Variants in SLC66A1 observed in about 807,000 individuals in gnomAD.
The protein encoded by SLC66A1 is solute carrier family 66 member 1.
A neutral mutation model predicts 33.0 loss-of-function variants in SLC66A1; 23 were observed. The observed-to-expected ratio is 0.70, with a 90% CI of 0.50 to 0.99. The LOEUF is 0.99. Among genes scored for constraint, SLC66A1 ranks in the 50% least tolerant of loss-of-function variants. The pLI is 0.00. For missense variants in SLC66A1, 335 were observed against 383.6 expected, an observed-to-expected ratio of 0.87 and a Z score of 1.06; for synonymous variants, 164 against 175.5, an observed-to-expected ratio of 0.93 and a Z score of 0.52.
downstream of SLC66A1, among the ~76,000 whole-genome samples, chr1:19,331,201 G>A (rs569121867): frequency 6.6e-5 from 10 of 152,232 alleles, no homozygotes; most frequent in Admixed American, 3.3e-4. Context: ...TAGTAGAGAC[G>A]GGGTTTCACC....
intron 2 of SLC66A1, among the ~76,000 whole-genome samples, chr1:19,323,577 T>A (rs1462258545): frequency 6.6e-6 from 1 of 152,072 alleles, no homozygotes; most frequent in African/African-American, 2.4e-5. Context: ...TGGCTGATTT[T>A]TGTATTTTTG....
chr1:19,324,324 A>G (rs1420302065), intron 2 of SLC66A1, among the ~76,000 whole-genome samples: 2 of 152,240 alleles, frequency 1.3e-5, no homozygotes, highest in Non-Finnish European at 2.9e-5. Flanking sequence ...AGGACCCTAC[A>G]TAAGCCCCAG....
In SLC66A1 at chr1:19,326,375, G is replaced by GC. The variant is rs2093866876; in HGVS notation, c.513_514insC (p.Ser172LeufsTer115). 5 of 1,607,080 alleles carry GC rather than the reference G, an allele frequency of 3.1e-6. No homozygotes were observed. The highest frequency in any genetic ancestry group is 4.2e-6 in the Non-Finnish European group (5 of 1,178,960). ...GGGGGCGGGCGCTCCTGTCCGTGGA[G>GC]TCGGGCAGCAAGGTGAGGCGTGGGC... On this transcript the variant is annotated frameshift_variant, in exon 5 of 8. Transcript: ENST00000375153. LOFTEE classifies it high-confidence loss of function.
At chr1:19,324,786 G>A in intron 3 of SLC66A1, 24 bp downstream of exon 3, 1 of 1,612,950 alleles carries the variant, frequency 6.2e-7, no homozygotes, top group Non-Finnish European at 8.5e-7. Flanking sequence ...CGGGCAAGGT[G>A]GCGCTACCCC....
downstream of SLC66A1, among the ~76,000 whole-genome samples, chr1:19,333,686 T>C (rs1354028810): frequency 1.3e-5 from 2 of 152,114 alleles, no homozygotes; most frequent in Non-Finnish European, 2.9e-5. The surrounding 1 kb of genome is among the most constrained non-coding windows in gnomAD (Gnocchi z 4.2). Context: ...GTGAGGCGAC[T>C]CATGCCTGGA....
At chr1:19,330,751 C>G (rs781675537), downstream of SLC66A1, among the ~76,000 whole-genome samples, 4 of 152,160 alleles carry the variant, frequency 2.6e-5, no homozygotes, top group Non-Finnish European at 5.9e-5. Context: ...GGGGCACACC[C>G]AGCAGCAGCC....
In SLC66A1 at chr1:19,317,656, CG is replaced by C; in HGVS notation, c.-17del. 1 of 1,612,544 alleles carries C rather than the reference CG, an allele frequency of 6.2e-7. No homozygotes were observed. ...TCCCTCCGGTGCAGCCCTGCCTGGC[CG>C]GGGGCCCCTCCTCCACAGCCATGGT... On this transcript the variant is annotated 5_prime_UTR_variant, in exon 2 of 8. Coordinates refer to ENST00000375153, the MANE Select transcript of SLC66A1 (RefSeq NM_001040125.2).
At chr1:19,325,641 G>GTGA in intron 4 of SLC66A1, 59 bp downstream of exon 4, 2 of 1,058,898 alleles carry the variant, frequency 1.9e-6, no homozygotes, top group Non-Finnish European at 2.8e-6. Flanking sequence ...GCAGTTGTGG[G>GTGA]GGGGGGCGCC....
At chr1:19,322,201 G>T (rs2093841423) in intron 2 of SLC66A1, among the ~76,000 whole-genome samples, 1 of 151,920 alleles carries the variant, frequency 6.6e-6, no homozygotes. Context: ...GACTGGACGG[G>T]TGTAGGTGAC....
chr1:19,324,489 G>A lies in SLC66A1; in HGVS notation c.165-144G>A, dbSNP rs560954725. On this transcript the variant is annotated intron_variant, in intron 2 of 7. Coordinates refer to ENST00000375153, the MANE Select transcript of SLC66A1 (RefSeq NM_001040125.2). ...GAGAAGGCTTCTGAGGATCCCGCCC[G>A]TGGGGAGGATGGGCCGCCAGGCCAC... is the stretch of plus-strand genomic sequence containing the variant. 1.6e-4 allele frequency: 164 copies of A among 998,314 alleles called. No individual in the cohort carries two copies. In the African/African-American group the frequency reaches 2.2e-3, roughly 13 times the overall value. The allele number at this position is 998,314 out of a possible 1,614,324, so 61.8% of individuals were successfully genotyped here. A position where few individuals can be genotyped will look rare whatever the true frequency, so the allele number is the denominator to read the frequency against.
At chr1:19,314,731 G>A (rs910236966) in intron 1 of SLC66A1, among the ~76,000 whole-genome samples, 5 of 152,196 alleles carry the variant, frequency 3.3e-5, no homozygotes, top group African/African-American at 1.2e-4. Flanking sequence ...CAACCTTGCT[G>A]GGGAGTGGTG....
At chr1:19,321,398 T>G (rs1346212407) in intron 2 of SLC66A1, among the ~76,000 whole-genome samples, 2 of 149,226 alleles carry the variant, frequency 1.3e-5, no homozygotes, top group East Asian at 3.9e-4. Context: ...CAGGCTGGTC[T>G]CAAACTCCTA....
At position 19,328,751 on chromosome 1, in the gene SLC66A1, C is replaced by A; in HGVS notation, c.*108C>A. 1 of 1,207,592 alleles carries A rather than the reference C, an allele frequency of 8.3e-7. No individual in the cohort carries two copies. Among genetic ancestry groups the A allele is most frequent in the South Asian group, 1.3e-5 (1 of 74,554 alleles). 74.8% of individuals were successfully genotyped at this position (1,207,592 alleles called of 1,614,324 possible). A position where few individuals can be genotyped will look rare whatever the true frequency, so the allele number is the denominator to read the frequency against. On this transcript the variant is annotated 3_prime_UTR_variant, in exon 8 of 8. Transcript: ENST00000375153. The surrounding 1 kb of genome is among the most constrained non-coding windows in gnomAD (Gnocchi z 4.7). ...CGGCCCTGCATCAGCCTGCGGGTGGCCTCTGGATCCTCCGTGGACCGAACC... is the reference window on the plus strand; with the variant it reads ...CGGCCCTGCATCAGCCTGCGGGTGGACTCTGGATCCTCCGTGGACCGAACC...
chr1:19,322,977 G>T (rs1250923305), intron 2 of SLC66A1, among the ~76,000 whole-genome samples: 1 of 151,916 alleles, frequency 6.6e-6, no homozygotes, highest in Non-Finnish European at 1.5e-5. Flanking sequence ...AACCTCTTGG[G>T]CTCAAGTGAT....
rs772353892 is a variant in SLC66A1 at position 19,326,414 on chromosome 1, G to T, written c.525+27G>T. 9 of 1,605,738 alleles carry T rather than the reference G, an allele frequency of 5.6e-6. No homozygotes were observed. The Admixed American group carries it at 1.5e-4, about 27-fold the overall frequency. On this transcript the variant is annotated intron_variant, in intron 5 of 7. Coordinates refer to ENST00000375153, the MANE Select transcript of SLC66A1 (RefSeq NM_001040125.2). Reference sequence around the variant, plus strand: ...TGAGGCGTGGGCGTGGCGGTCGAAGGGATGGAGGCTGGCTCATCCCCAGGG... The same window carrying T: ...TGAGGCGTGGGCGTGGCGGTCGAAGTGATGGAGGCTGGCTCATCCCCAGGG...
At chr1:19,323,564 G>A (rs1286194965) in intron 2 of SLC66A1, among the ~76,000 whole-genome samples, 1 of 152,046 alleles carries the variant, frequency 6.6e-6, no homozygotes, top group Non-Finnish European at 1.5e-5. Flanking sequence ...GCGCCACCAT[G>A]CCTGGCTGAT....
intron 2 of SLC66A1, among the ~76,000 whole-genome samples, chr1:19,321,647 A>G (rs1291345390): frequency 6.7e-6 from 1 of 148,678 alleles, no homozygotes; most frequent in East Asian, 1.9e-4. Context: ...GCTCACTGCA[A>G]CATCCTCCTC....
chr1:19,325,636 T>TTGGG, intron 4 of SLC66A1, 54 bp downstream of exon 4: 9 of 374,834 alleles, frequency 2.4e-5, no homozygotes, highest in Non-Finnish European at 3.9e-5. Flanking sequence ...AGGGGGCAGT[T>TTGGG]GTGGGGGGGG....
downstream of SLC66A1, among the ~76,000 whole-genome samples, chr1:19,329,605 G>A (rs193186693): frequency 5.3e-5 from 8 of 152,360 alleles, no homozygotes; most frequent in African/African-American, 7.2e-5. Flanking sequence ...GTTCTCCATC[G>A]CAGTTCCTCA....
Sources: gnomAD v4.1 joint callset for allele counts (sites outside exome capture counted in the v4.1 genomes callset) on GRCh38, gnomAD v4.1.1 for gene constraint, Gnocchi (gnomAD v3.1) non-coding constraint, MANE v1.5 for transcripts, NCBI Gene and HGNC (gene_info 2026-07-23, HGNC 2026-07-21) for gene names.